The following CRYZ variants were observed in gnomAD, a reference collection of about 807,000 sequenced individuals.
The protein encoded by CRYZ is zeta-crystallin.
In CRYZ, 35 loss-of-function variants were observed where a neutral mutation model predicts 34.1. The observed-to-expected ratio is 1.03, with a 90% CI of 0.78 to 1.36. The LOEUF is 1.36. Ranked by LOEUF, CRYZ falls within the 40% of genes most tolerant of loss-of-function variation. The pLI, the probability that CRYZ is intolerant of heterozygous loss-of-function variation, is 0.00. For synonymous variants in CRYZ, 137 were observed against 136.5 expected (o/e 1.00, Z -0.03); for missense variants, 403 against 391.8 (o/e 1.03, Z -0.24).
intron 6 of CRYZ, 134 bp downstream of exon 6, chr1:74,709,964 C>G: frequency 1.5e-6 from 1 of 653,418 alleles, no homozygotes; most frequent in Non-Finnish European, 2.6e-6. Context: ...TTTTAAAACA[C>G]GCATAAAAAT....
At chr1:74,721,686 G>A (rs568210096) in intron 3 of CRYZ, among the ~76,000 whole-genome samples, 14 of 152,308 alleles carry the variant, frequency 9.2e-5, no homozygotes, top group African/African-American at 3.1e-4. Flanking sequence ...AAGGGAAAGC[G>A]AGGAGTAATC....
intron 5 of CRYZ, among the ~76,000 whole-genome samples, chr1:74,712,478 G>A (rs558734959): frequency 6.6e-6 from 1 of 152,294 alleles, no homozygotes; most frequent in Non-Finnish European, 1.5e-5. Flanking sequence ...GAATTAAGAT[G>A]AAAAATAATG....
In CRYZ at chr1:74,710,206, T is replaced by C; in HGVS notation, c.522A>G (p.Leu174=). The change falls in exon 6 of 9, where the codon TTA becomes TTG. Residue 174 remains leucine (L), a synonymous_variant. Coordinates refer to ENST00000340866, the MANE Select transcript of CRYZ (RefSeq NM_001889.4). ...CAGTACCAGCAGTGCCCAAAATCTT[T>C]AAGCCATAAGCTCTAGCAATTTGGC... ...AACQIARAYG[L]KILGTAGTEE... 1 of 1,613,830 alleles carries C rather than the reference T, an allele frequency of 6.2e-7. No individual in the cohort carries two copies.
intron 1 of CRYZ, among the ~76,000 whole-genome samples, chr1:74,728,267 A>G (rs1228505203): frequency 6.6e-6 from 1 of 152,240 alleles, no homozygotes; most frequent in Non-Finnish European, 1.5e-5. Flanking sequence ...TTACAAGGTC[A>G]CAGCTAACCT....
intron 4 of CRYZ, among the ~76,000 whole-genome samples, chr1:74,716,958 G>A (rs1647085175): frequency 6.6e-6 from 1 of 152,046 alleles, no homozygotes; most frequent in Non-Finnish European, 1.5e-5. Context: ...CATGCATTTT[G>A]GTGCCACTTC....
intron 1 of CRYZ, among the ~76,000 whole-genome samples, chr1:74,725,719 A>G (rs759667544): frequency 1.2e-4 from 18 of 152,208 alleles, no homozygotes; most frequent in Non-Finnish European, 1.9e-4. Context: ...TTCACAGTCC[A>G]AAGTCTAATT....
intron 1 of CRYZ, among the ~76,000 whole-genome samples, chr1:74,730,627 G>A (rs1647662631): frequency 6.6e-6 from 1 of 152,132 alleles, no homozygotes; most frequent in African/African-American, 2.4e-5. Flanking sequence ...TCCATTTTAT[G>A]GATGAGAAAA....
intron 1 of CRYZ, among the ~76,000 whole-genome samples, chr1:74,728,020 T>G (rs1327970532): frequency 6.6e-6 from 1 of 152,248 alleles, no homozygotes; most frequent in African/African-American, 2.4e-5. Flanking sequence ...TTTGCATGTT[T>G]TCAAACTTTA....
chr1:74,709,810 C>A (rs1165266910), intron 6 of CRYZ, among the ~76,000 whole-genome samples: 1 of 152,102 alleles, frequency 6.6e-6, no homozygotes, highest in East Asian at 1.9e-4. Flanking sequence ...AAAGCTGCAG[C>A]TTTACTTAGA....
At chr1:74,722,972 C>CT in intron 3 of CRYZ, 146 bp downstream of exon 3, 1 of 715,550 alleles carries the variant, frequency 1.4e-6, no homozygotes, top group Non-Finnish European at 2.2e-6. Context: ...TTCTTAATTC[C>CT]TTTTTTGACT....
Position 74,706,318 on chromosome 1 carries a change from C to T in CRYZ, c.968G>A (p.Gly323Glu), listed in dbSNP as rs1234662736. ...ENIIHGSGAT[G>E]KMILLL ...TCATCATAAGAGAAGAATCATTTTT[C>T]CAGTAGCCCCACTACCATGAATGAT... Residue 323 changes from glycine (G) to glutamate (E), a missense_variant, in exon 9 of 9, where the codon GGA becomes GAA. Transcript: ENST00000340866. 6.2e-7 allele frequency: 1 copy of T among 1,603,562 alleles called. No homozygotes were observed. The highest frequency in any genetic ancestry group is 8.5e-7 in the Non-Finnish European group (1 of 1,176,806).
intron 6 of CRYZ, among the ~76,000 whole-genome samples, chr1:74,709,375 G>A (rs1646971233): frequency 6.6e-6 from 1 of 152,076 alleles, no homozygotes; most frequent in Admixed American, 6.6e-5. Flanking sequence ...TATAACAAAG[G>A]AGTGCTTTTG....
In CRYZ at chr1:74,707,023, TAAAGATTACTGTAA is replaced by T. The variant is rs775182019; in HGVS notation, c.733-43_733-30del. On this transcript the variant is annotated intron_variant, in intron 7 of 8. Transcript: ENST00000340866. ...ACATGAAAAACAGCAATTCTACAGT[TAAAGATTACTGTAA>T]AATAGTGTTAAATTGTGGTAAAACA... 3.2e-6 allele frequency: 5 copies of T among 1,586,448 alleles called. No individual in the cohort carries two copies. The Admixed American group carries it at 8.5e-5, about 27-fold the overall frequency.
At position 74,719,315 on chromosome 1, in the gene CRYZ, G is replaced by A; in HGVS notation, c.322C>T (p.Leu108Phe). 6.2e-7 allele frequency: 1 copy of A among 1,613,834 alleles called. No homozygotes were observed. Among genetic ancestry groups the A allele is most frequent in the Non-Finnish European group, 8.5e-7 (1 of 1,179,732 alleles). The change falls in exon 4 of 9, where the codon CTT (leucine) becomes TTT (phenylalanine). Residue 108 changes from leucine (L) to phenylalanine (F), a missense_variant. Coordinates refer to ENST00000340866, the MANE Select transcript of CRYZ (RefSeq NM_001889.4). ...TISGGYAEYA[L>F]AADHTVYKLP... ...TTGTAAACAGTGTGGTCTGCTGCAA[G>A]AGCATACTCTGCATAACCCCCAGAG...
rs761310840 is a variant in CRYZ, at chr1:74,710,213, T to C, written c.515A>G (p.Tyr172Cys). 1.2e-6 allele frequency: 2 copies of C among 1,613,826 alleles called. No homozygotes were observed. The highest frequency in any genetic ancestry group is 2.2e-5 in the South Asian group (2 of 91,062). Residue 172 changes from tyrosine to cysteine, a missense_variant, in exon 6 of 9, where the codon TAT becomes TGT. By Grantham distance (194) the Tyr-to-Cys change is radical (BLOSUM62 -2). Transcript: ENST00000340866. Reference protein sequence around the residue: ...GLAACQIARAYGLKILGTAGT... With the variant: ...GLAACQIARACGLKILGTAGT... ...AGCAGTGCCCAAAATCTTTAAGCCA[T>C]AAGCTCTAGCAATTTGGCATGCTGC...
chr1:74,709,128 G>A (rs889738694), intron 6 of CRYZ, among the ~76,000 whole-genome samples: 2 of 152,114 alleles, frequency 1.3e-5, no homozygotes, highest in Non-Finnish European at 2.9e-5. Context: ...TTTTCAAGAA[G>A]TTTTGTGGGA....
chr1:74,724,498 C>T (rs1250461439), intron 2 of CRYZ, among the ~76,000 whole-genome samples: 1 of 152,170 alleles, frequency 6.6e-6, no homozygotes, highest in Non-Finnish European at 1.5e-5. Context: ...CAAAAATTTT[C>T]TTATAACCAG....
intron 4 of CRYZ, 138 bp downstream of exon 4, chr1:74,719,071 C>T: frequency 1.2e-6 from 1 of 826,572 alleles, no homozygotes; most frequent in Non-Finnish European, 1.9e-6. Context: ...TTCACAGTTT[C>T]CATTATATAA....
At chr1:74,720,861 A>G (rs1239767387) in intron 3 of CRYZ, among the ~76,000 whole-genome samples, 3 of 152,182 alleles carry the variant, frequency 2.0e-5, no homozygotes, top group Non-Finnish European at 4.4e-5. Flanking sequence ...CAAGCATCCT[A>G]GACTCTCGGA....
Sources: gnomAD v4.1 joint callset for allele counts (sites outside exome capture counted in the v4.1 genomes callset) on GRCh38, gnomAD v4.1.1 for gene constraint, MANE v1.5 for transcripts, NCBI Gene and HGNC (gene_info 2026-07-23, HGNC 2026-07-21) for gene names.